Variants in C16orf96 observed in about 807,000 individuals in gnomAD.
C16orf96 encodes uncharacterized protein C16orf96.
A neutral mutation model predicts 103.6 loss-of-function variants in C16orf96; 108 were observed. The observed-to-expected ratio is 1.04, with a 90% CI of 0.89 to 1.22. C16orf96 has a LOEUF of 1.22. Ranked by LOEUF, C16orf96 falls within the 50% of genes most tolerant of loss-of-function variation. The pLI is 0.00. For missense variants in C16orf96, 1,586 were observed against 1,464.2 expected (o/e 1.08, Z -1.36); for synonymous variants, 566 against 593.5 (o/e 0.95, Z 0.67).
chr16:4,563,903 G>C (rs1038763534), intron 1 of C16orf96, among the ~76,000 whole-genome samples: 1 of 151,234 alleles, frequency 6.6e-6, no homozygotes, highest in Non-Finnish European at 1.5e-5. Context: ...TTTGTCTTAA[G>C]ACTAGTGGTA....
At chr16:4,541,981 C>T in the C16orf96 span, among the ~76,000 whole-genome samples, 2 of 152,274 alleles carry the variant, frequency 1.3e-5, no homozygotes, top group African/African-American at 4.8e-5. Context: ...TTATATGATT[C>T]GATTGACATT....
intron 12 of C16orf96, among the ~76,000 whole-genome samples, chr16:4,594,027 G>A (rs558139883): frequency 6.6e-6 from 1 of 152,308 alleles, no homozygotes; most frequent in Non-Finnish European, 1.5e-5. Flanking sequence ...GGGAAGGGGA[G>A]GGACGTGGGG....
chr16:4,570,038 A>G (rs2059420639), intron 1 of C16orf96, among the ~76,000 whole-genome samples: 1 of 152,158 alleles, frequency 6.6e-6, no homozygotes, highest in East Asian at 1.9e-4. Context: ...AAAAGTGCCC[A>G]CTTTTTCTCC....
chr16:4,593,232 T>C lies in C16orf96; in HGVS notation c.2783T>C (p.Ile928Thr). The C allele has an allele frequency of 6.4e-7, 1 of 1,550,988 alleles. No individual in the cohort carries two copies. Among genetic ancestry groups the C allele is most frequent in the Non-Finnish European group, 8.7e-7 (1 of 1,146,788 alleles). ...CCCTTGTCCTCCAACAGACAGCTGA[T>C]CACCATCCGCAAAGCCCACCTGCTG... ...PVEMMTGPQL[I>T]TIRKAHLLSR... The change falls in exon 12 of 16, where the codon ATC becomes ACC. Residue 928 changes from isoleucine to threonine, a missense_variant. Ile to Thr is a moderately conservative substitution (Grantham distance 89). Coordinates refer to ENST00000444310, the MANE Select transcript of C16orf96 (RefSeq NM_001145011.2). This position sits in a 1 kb window ranked among gnomAD's most constrained non-coding sequence, Gnocchi z 4.2.
At position 4,593,446 on chromosome 16, in the gene C16orf96, C is replaced by A; in HGVS notation, c.2867+130C>A. On this transcript the variant is annotated intron_variant, in intron 12 of 15. Coordinates refer to ENST00000444310, the MANE Select transcript of C16orf96 (RefSeq NM_001145011.2). The surrounding 1 kb of genome is among the most constrained non-coding windows in gnomAD (Gnocchi z 4.2). Reference sequence around the variant, plus strand: ...TAAGATTGTCCTGGACATGGCCAGCCCTTCGCAAGACAGGCACTCCGAGAG... The same window carrying A: ...TAAGATTGTCCTGGACATGGCCAGCACTTCGCAAGACAGGCACTCCGAGAG... 1.1e-6 allele frequency: 1 copy of A among 911,338 alleles called. No individual in the cohort carries two copies. Among genetic ancestry groups the A allele is most frequent in the Non-Finnish European group, 1.7e-6 (1 of 599,620 alleles). The allele number at this position is 911,338 out of a possible 1,614,324, so 56.5% of individuals were successfully genotyped here. A position where few individuals can be genotyped will look rare whatever the true frequency, so the allele number is the denominator to read the frequency against.
At chr16:4,596,634 A>T (rs1316254209) in intron 14 of C16orf96, among the ~76,000 whole-genome samples, 1 of 152,094 alleles carries the variant, frequency 6.6e-6, no homozygotes, top group Non-Finnish European at 1.5e-5. Context: ...GTGAGCCATG[A>T]TCTCACCACT....
At chr16:4,594,669 G>C in intron 13 of C16orf96, 35 bp from the exon 14 acceptor site, 1 of 1,549,544 alleles carries the variant, frequency 6.5e-7, no homozygotes, top group South Asian at 1.2e-5. Context: ...ATCGGGTCGG[G>C]GGCTCCCTAA....
upstream of C16orf96, among the ~76,000 whole-genome samples, chr16:4,556,278 C>T (rs1246896460): frequency 2.0e-5 from 3 of 152,272 alleles, no homozygotes; most frequent in African/African-American, 4.8e-5. Context: ...CTTTGAATTG[C>T]GCCCGTTTCA....
chr16:4,565,281 T>G (rs1224900343), intron 1 of C16orf96, among the ~76,000 whole-genome samples: 1 of 152,096 alleles, frequency 6.6e-6, no homozygotes, highest in African/African-American at 2.4e-5. Flanking sequence ...CTCAGCACCA[T>G]CCAAGCCCTG....
chr16:4,547,649 T>TTCCTTCCTTCCTTCCTTCC, the C16orf96 span, among the ~76,000 whole-genome samples: 1 of 119,094 alleles, frequency 8.4e-6, no homozygotes, highest in African/African-American at 3.6e-5. Context: ...TCTTTCTTTC[T>TTCCTTCCTTCCTTCCTTCC]TTCCTTCCTT....
chr16:4,541,804 A>G, the C16orf96 span, among the ~76,000 whole-genome samples: 1 of 152,226 alleles, frequency 6.6e-6, no homozygotes, highest in Non-Finnish European at 1.5e-5. Flanking sequence ...GTTCAATTGC[A>G]CTGAATCAAC....
chr16:4,565,390 T>C (rs761052677), intron 1 of C16orf96, among the ~76,000 whole-genome samples: 5 of 152,230 alleles, frequency 3.3e-5, no homozygotes, highest in Non-Finnish European at 7.3e-5. Context: ...GTCCAGAGCA[T>C]GTCCCCTACA....
rs1435798641 is a variant in C16orf96, at chr16:4,593,144, T to A, written c.2775-80T>A. On this transcript the variant is annotated intron_variant, in intron 11 of 15. Transcript: ENST00000444310. The surrounding 1 kb of genome is among the most constrained non-coding windows in gnomAD (Gnocchi z 4.2). ...CCTCCTTCCTCCTGCTGGGAAGGCT[T>A]CCTGGAGGGGTGGGAGACGAGCCCT... 2.2e-6 allele frequency: 3 copies of A among 1,356,704 alleles called. No homozygotes were observed. The highest frequency in any genetic ancestry group is 3.1e-6 in the Non-Finnish European group (3 of 974,184). 84.0% of individuals were successfully genotyped at this position (1,356,704 alleles called of 1,614,324 possible). A position where few individuals can be genotyped will look rare whatever the true frequency, so the allele number is the denominator to read the frequency against.
In C16orf96 at chr16:4,576,648, T is replaced by C. The variant is rs2059514161; in HGVS notation, c.2155+13T>C. 3.9e-6 allele frequency: 6 copies of C among 1,543,510 alleles called. No homozygotes were observed. Among genetic ancestry groups the C allele is most frequent in the Non-Finnish European group, 5.3e-6 (6 of 1,142,740 alleles). The stretch of plus-strand genomic sequence containing the variant: ...TTGAGTTATCTAGGTAGGCCTGGTC[T>C]GGCCCTGGGAAGGGCACAAGGGAGT... On this transcript the variant is annotated intron_variant, in intron 5 of 15. Transcript: ENST00000444310.
chr16:4,548,539 C>T, the C16orf96 span, among the ~76,000 whole-genome samples: 1 of 152,304 alleles, frequency 6.6e-6, no homozygotes, highest in South Asian at 2.1e-4. Flanking sequence ...CAGAGCCAGC[C>T]CATGGGGCTC....
chr16:4,571,479 C>A, intron 1 of C16orf96, 82 bp from the exon 2 acceptor site: 1 of 1,210,766 alleles, frequency 8.3e-7, no homozygotes, highest in Non-Finnish European at 1.2e-6. Context: ...TGAACAACGG[C>A]TATCATCAGA....
At chr16:4,557,957 A>G (rs2059284137) in intron 1 of C16orf96, among the ~76,000 whole-genome samples, 2 of 152,232 alleles carry the variant, frequency 1.3e-5, no homozygotes, top group African/African-American at 2.4e-5. Context: ...AGCGTGAGCT[A>G]CTGTGCTCAG....
rs1264069324 is a variant in C16orf96, at chr16:4,594,734, A to T, written c.3058A>T (p.Ile1020Phe). 6.4e-7 allele frequency: 1 copy of T among 1,551,148 alleles called. No homozygotes were observed. The highest frequency in any genetic ancestry group is 8.7e-7 in the Non-Finnish European group (1 of 1,146,924). ...AEVDILGVDG[I>F]LYKGRVNSQR... ...GGTGGACATCCTGGGCGTGGATGGG[A>T]TCCTGTACAAAGGCCGCGTGAACAG... Residue 1020 changes from isoleucine to phenylalanine, a missense_variant, in exon 14 of 16, where the codon ATC (isoleucine) becomes TTC (phenylalanine). Coordinates refer to ENST00000444310, the MANE Select transcript of C16orf96 (RefSeq NM_001145011.2).
the C16orf96 span, among the ~76,000 whole-genome samples, chr16:4,543,224 TG>T: frequency 6.6e-6 from 1 of 152,100 alleles, no homozygotes; most frequent in Non-Finnish European, 1.5e-5. Context: ...GTGAAAGAAG[TG>T]GGGTAGGGTA....
Sources: gnomAD v4.1 joint callset for allele counts (sites outside exome capture counted in the v4.1 genomes callset) on GRCh38, gnomAD v4.1.1 for gene constraint, Gnocchi (gnomAD v3.1) non-coding constraint, MANE v1.5 for transcripts, NCBI Gene and HGNC (gene_info 2026-07-23, HGNC 2026-07-21) for gene names.